Variants in LONRF2 observed in about 807,000 individuals in gnomAD.
The protein encoded by LONRF2 is LON peptidase N-terminal domain and RING finger protein 2.
A neutral mutation model predicts 66.6 loss-of-function variants in LONRF2; 35 were observed. The observed-to-expected ratio is 0.53, with a 90% CI of 0.40 to 0.70. LONRF2 has a LOEUF of 0.70. LONRF2 is among the 30% of genes least tolerant of loss of function. The pLI, the probability that LONRF2 is intolerant of heterozygous loss-of-function variation, is 0.00. For synonymous variants in LONRF2, 417 were observed against 418.1 expected (o/e 1.00, Z 0.03); for missense variants, 902 against 1,002.1 (o/e 0.90, Z 1.35).
rs1674595631 is a variant in LONRF2, at chr2:100,276,055, G to C, written c.*8243C>G. 6.6e-6 allele frequency: 1 copy of C among 151,978 alleles called. No homozygotes were observed. The highest frequency in any genetic ancestry group is 1.5e-5 in the Non-Finnish European group (1 of 68,006). The allele number at this position is 151,978 out of a possible 1,614,324, so 9.4% of individuals were successfully genotyped here. Reference sequence around the variant, plus strand: ...AATCTGATCCAATTAGAAATCCAACGCTTATACACTAAAAATGTATACAAC... The same window carrying C: ...AATCTGATCCAATTAGAAATCCAACCCTTATACACTAAAAATGTATACAAC... On this transcript the variant is annotated 3_prime_UTR_variant, in exon 12 of 12. Coordinates refer to ENST00000393437, the MANE Select transcript of LONRF2 (RefSeq NM_198461.4).
At position 100,299,207 on chromosome 2, in the gene LONRF2, G is replaced by A. The variant is rs369475885; in HGVS notation, c.1361+19C>T. 9.9e-5 allele frequency: 151 copies of A among 1,524,462 alleles called. No individual in the cohort carries two copies. The highest frequency in any genetic ancestry group is 3.5e-4 in the Middle Eastern group (2 of 5,724). 94.4% of individuals were successfully genotyped at this position (1,524,462 alleles called of 1,614,324 possible). On this transcript the variant is annotated intron_variant, in intron 6 of 11. Transcript: ENST00000393437. ...GGCTGCAGTTTTAAAAGAGTTGCAC[G>A]GATTCTGTACCATCCTACCTCATGC... is the stretch of plus-strand genomic sequence containing the variant.
In LONRF2 at chr2:100,272,532, A is replaced by T. The variant is rs147234174; in HGVS notation, c.*11766T>A. ...AAAATAAATAAATAAATAAACAAAC[A>T]AACTAACCAGAGTATGTAGGTTAAA... On this transcript the variant is annotated 3_prime_UTR_variant, in exon 12 of 12. Transcript: ENST00000393437. Among the ~76,000 whole-genome samples the T allele has an allele frequency of 2.6e-5, 4 of 152,164 alleles. No individual in the cohort carries two copies. Among genetic ancestry groups the T allele is most frequent in the Admixed American group, 2.0e-4 (3 of 15,272 alleles).
At chr2:100,306,410 T>C (rs575038067) in intron 2 of LONRF2, among the ~76,000 whole-genome samples, 27 of 152,312 alleles carry the variant, frequency 1.8e-4, no homozygotes, top group African/African-American at 4.8e-4. Context: ...AGAATCTCAA[T>C]TGAGATTTGC....
At chr2:100,312,866 TA>T (rs1479678874) in intron 1 of LONRF2, among the ~76,000 whole-genome samples, 6 of 152,244 alleles carry the variant, frequency 3.9e-5, no homozygotes, top group Non-Finnish European at 7.3e-5. Context: ...CCCTCAAAAC[TA>T]AGTGGAAGAG....
At chr2:100,317,091 A>G (rs1675523604) in intron 1 of LONRF2, among the ~76,000 whole-genome samples, 1 of 152,202 alleles carries the variant, frequency 6.6e-6, no homozygotes, top group African/African-American at 2.4e-5. Context: ...TGTAAACAGC[A>G]TGTAGCTATA....
rs1346185915 is a variant in LONRF2 at position 100,321,998 on chromosome 2, C to A, written c.96G>T (p.Glu32Asp). 2 of 1,457,796 alleles carry A rather than the reference C, an allele frequency of 1.4e-6. No homozygotes were observed. The highest frequency in any genetic ancestry group is 1.8e-6 in the Non-Finnish European group (2 of 1,106,244). The allele number at this position is 1,457,796 out of a possible 1,614,324, so 90.3% of individuals were successfully genotyped here. The change falls in exon 1 of 12, where the codon GAG becomes GAT. Residue 32 changes from glutamate (E) to aspartate (D), a missense_variant. Physicochemically the swap from Glu to Asp is conservative, Grantham distance 45. Around this residue, in one of 2 missense-constraint regions of LONRF2, gnomAD observed 585 missense variants for 569.9 expected, o/e 1.03. Transcript: ENST00000393437. Reference sequence around the variant, plus strand: ...TCTCGTAGTCGCCCGCGCGGAAGGCCTCGTCGCCCTCCTCTAAGCGCTGGG... The same window carrying A: ...TCTCGTAGTCGCCCGCGCGGAAGGCATCGTCGCCCTCCTCTAAGCGCTGGG... Reference protein sequence around the residue: ...PIAQRLEEGDEAFRAGDYEMA... With the variant: ...PIAQRLEEGDDAFRAGDYEMA...
chr2:100,311,774 T>C (rs1030556715), intron 1 of LONRF2, among the ~76,000 whole-genome samples: 2 of 152,180 alleles, frequency 1.3e-5, no homozygotes, highest in African/African-American at 2.4e-5. Context: ...GTGTTGAATT[T>C]TATAGACTGC....
intron 6 of LONRF2, 56 bp from the exon 7 acceptor site, chr2:100,299,006 T>G: frequency 7.2e-7 from 1 of 1,386,588 alleles, no homozygotes. Flanking sequence ...TTTCAAATCA[T>G]GGACTGGTTT....
chr2:100,299,632 A>G (rs1675137663), intron 5 of LONRF2, 85 bp downstream of exon 5: 2 of 1,094,234 alleles, frequency 1.8e-6, no homozygotes, highest in African/African-American at 3.2e-5. Context: ...TAAATGTTGT[A>G]AAAATTTAAA....
chr2:100,302,898 A>C, intron 3 of LONRF2, 23 bp downstream of exon 3: 2 of 1,552,776 alleles, frequency 1.3e-6, no homozygotes, highest in Non-Finnish European at 8.7e-7. Flanking sequence ...CTGATAGAGA[A>C]AGTCCTTTAA....
intron 6 of LONRF2, 23 bp from the exon 7 acceptor site, chr2:100,298,973 A>G: frequency 6.4e-7 from 1 of 1,552,396 alleles, no homozygotes; most frequent in South Asian, 1.1e-5. Flanking sequence ...ATCTGTTTTC[A>G]GCCAGAAATG....
At chr2:100,308,976 C>T (rs1675353056) in intron 2 of LONRF2, 131 bp downstream of exon 2, 4 of 565,470 alleles carry the variant, frequency 7.1e-6, no homozygotes, top group South Asian at 6.8e-5. Flanking sequence ...GATTGCTAAA[C>T]GTAGGCTACA....
In LONRF2 at chr2:100,321,397, G is replaced by GCCCCGCAGCCGACTCA; in HGVS notation, c.679+2_679+17dup. 7.1e-7 allele frequency: 1 copy of GCCCCGCAGCCGACTCA among 1,416,962 alleles called. No individual in the cohort carries two copies. The highest frequency in any genetic ancestry group is 3.2e-5 in the Admixed American group (1 of 31,202). The allele number at this position is 1,416,962 out of a possible 1,614,324, so 87.8% of individuals were successfully genotyped here. On this transcript the variant is annotated intron_variant, in intron 1 of 11. Transcript: ENST00000393437. ...GGACAGGTGTAGGGGAGGCGGACCC[G>GCCCCGCAGCCGACTCA]CCCCGCAGCCGACTCACCCAGCTCC...
At chr2:100,286,125 A>G (rs1418762976) in intron 11 of LONRF2, among the ~76,000 whole-genome samples, 4 of 152,174 alleles carry the variant, frequency 2.6e-5, no homozygotes, top group African/African-American at 4.8e-5. Context: ...TGGAAAAAAA[A>G]AGAATTCAGG....
chr2:100,316,617 C>A (rs546075960), intron 1 of LONRF2, among the ~76,000 whole-genome samples: 2 of 151,640 alleles, frequency 1.3e-5, no homozygotes, highest in Non-Finnish European at 1.5e-5. Context: ...AACACAACCA[C>A]AGGCCAACTC....
At chr2:100,284,616 C>T in intron 11 of LONRF2, 124 bp from the exon 12 acceptor site, 1 of 730,558 alleles carries the variant, frequency 1.4e-6, no homozygotes, top group Non-Finnish European at 2.1e-6. Context: ...TATTTTAGGG[C>T]TAATTCACAA....
chr2:100,314,184 A>G (rs1267131110), intron 1 of LONRF2, among the ~76,000 whole-genome samples: 1 of 152,156 alleles, frequency 6.6e-6, no homozygotes, highest in African/African-American at 2.4e-5. Flanking sequence ...GCTAACAAAC[A>G]CATTTCTTAA....
rs898413021 is a variant in LONRF2, at chr2:100,277,706, G to T, written c.*6592C>A. 3 of 152,098 alleles carry T rather than the reference G, an allele frequency of 2.0e-5. No homozygotes were observed. The highest frequency in any genetic ancestry group is 6.5e-5 in the Admixed American group (1 of 15,278). 9.4% of individuals were successfully genotyped at this position (152,098 alleles called of 1,614,324 possible). A position where few individuals can be genotyped will look rare whatever the true frequency, so the allele number is the denominator to read the frequency against. ...TACGAAACGGAACCCAAAAAACAAC[G>T]CATGTGGCCAAAGTTAGGCAGTCGT... On this transcript the variant is annotated 3_prime_UTR_variant, in exon 12 of 12. Coordinates refer to ENST00000393437, the MANE Select transcript of LONRF2 (RefSeq NM_198461.4).
At chr2:100,296,938 T>C (rs756852473) in intron 7 of LONRF2, among the ~76,000 whole-genome samples, 35 of 152,292 alleles carry the variant, frequency 2.3e-4, no homozygotes, top group South Asian at 6.2e-4. Context: ...GACAAAACTA[T>C]AATTTTGGAT....
Sources: gnomAD v4.1 joint callset for allele counts (sites outside exome capture counted in the v4.1 genomes callset) on GRCh38, gnomAD v4.1.1 for gene constraint, gnomAD v4.1.1 regional missense constraint, MANE v1.5 for transcripts, NCBI Gene and HGNC (gene_info 2026-07-23, HGNC 2026-07-21) for gene names.